The following CDHR3 variants were observed in gnomAD, a reference collection of about 807,000 sequenced individuals.
The protein encoded by CDHR3 is cadherin-related family member 3.
In CDHR3, 79 loss-of-function variants were observed where a neutral mutation model predicts 86.6. The ratio of observed to expected loss-of-function variants is 0.91; its 90% CI spans 0.76 to 1.10. The LOEUF (loss-of-function observed/expected upper bound fraction) is 1.10, where lower values mean the gene tolerates loss of function less well. Among genes scored for constraint, CDHR3 ranks in the 50% least tolerant of loss-of-function variants. The probability of loss-of-function intolerance (pLI) is 0.00; values close to 1 mark genes in which losing one functional copy is unlikely to be tolerated. For missense variants in CDHR3, 1,081 were observed against 1,077.6 expected (o/e 1.00, Z -0.04); for synonymous variants, 421 against 402.4 (o/e 1.05, Z -0.55).
chr7:106,021,887 G>T (rs1204728140), intron 13 of CDHR3, among the ~76,000 whole-genome samples: 1 of 152,208 alleles, frequency 6.6e-6, no homozygotes, highest in African/African-American at 2.4e-5. Context: ...CTGCACCAGG[G>T]TTACAAAGTC....
chr7:106,014,719 G>A (rs901129509), intron 9 of CDHR3, among the ~76,000 whole-genome samples: 2 of 152,218 alleles, frequency 1.3e-5, no homozygotes, highest in African/African-American at 2.4e-5. Context: ...TTTTCAGACT[G>A]TGGTTGACTC....
intron 1 of CDHR3, among the ~76,000 whole-genome samples, chr7:105,974,034 A>G (rs1386644245): frequency 2.0e-5 from 3 of 152,254 alleles, no homozygotes; most frequent in Non-Finnish European, 4.4e-5. Context: ...AACCCACAAC[A>G]GTAATTATCA....
At chr7:105,974,494 T>C (rs1156236783) in intron 1 of CDHR3, among the ~76,000 whole-genome samples, 2 of 145,098 alleles carry the variant, frequency 1.4e-5, no homozygotes, top group Non-Finnish European at 3.1e-5. Flanking sequence ...GAGGCAAGTT[T>C]CTTTAGGCGG....
At chr7:106,020,683 C>G (rs1836435407) in intron 13 of CDHR3, 139 bp downstream of exon 13, 6 of 906,026 alleles carry the variant, frequency 6.6e-6, no homozygotes, top group African/African-American at 1.7e-5. Flanking sequence ...GAGATAGGGT[C>G]TTGCTATGCT....
Position 106,017,851 on chromosome 7 carries a change from A to T in CDHR3, c.1432A>T (p.Thr478Ser), listed in dbSNP as rs375997941. The change falls in exon 12 of 19, where the codon ACC (threonine) becomes TCC (serine). Residue 478 changes from threonine (T) to serine (S), a missense_variant. Thr to Ser is a moderately conservative substitution (Grantham distance 58, BLOSUM62 1). Transcript: ENST00000317716. ...CAGGTACTTTATTCCTCCAGCCAGAACCCGAGTGGGACAGGTGCGAGCCAC... is the reference window on the plus strand; with the variant it reads ...CAGGTACTTTATTCCTCCAGCCAGATCCCGAGTGGGACAGGTGCGAGCCAC... The part of the protein sequence containing the change: ...FDVSERRPAR[T>S]RVGQVRATDK... The T allele has an allele frequency of 9.5e-6, 15 of 1,573,712 alleles. No homozygotes were observed. The highest frequency in any genetic ancestry group is 1.2e-5 in the Non-Finnish European group (14 of 1,160,004).
chr7:105,983,162 C>T (rs1317563638), intron 3 of CDHR3, among the ~76,000 whole-genome samples: 2 of 152,146 alleles, frequency 1.3e-5, no homozygotes, highest in Non-Finnish European at 2.9e-5. Flanking sequence ...CCATATCTTC[C>T]CATGGAAACG....
intron 6 of CDHR3, among the ~76,000 whole-genome samples, chr7:105,996,690 G>A (rs755584510): frequency 1.1e-4 from 16 of 152,162 alleles, no homozygotes; most frequent in Non-Finnish European, 1.5e-5. Flanking sequence ...TTTAGTAACA[G>A]CAGAGTCCCA....
At chr7:105,973,986 A>G (rs1266947874) in intron 1 of CDHR3, among the ~76,000 whole-genome samples, 3 of 152,158 alleles carry the variant, frequency 2.0e-5, no homozygotes, top group Admixed American at 6.6e-5. Flanking sequence ...GTCATTCTGC[A>G]GTTCTGGGTG....
chr7:105,977,367 G>A (rs1828987811), intron 2 of CDHR3, among the ~76,000 whole-genome samples: 2 of 152,198 alleles, frequency 1.3e-5, no homozygotes, highest in Admixed American at 1.3e-4. Context: ...CCCACATTCT[G>A]TGGGATTCAA....
chr7:105,972,307 T>G (rs1350232744), intron 1 of CDHR3, among the ~76,000 whole-genome samples: 2 of 152,124 alleles, frequency 1.3e-5, no homozygotes, highest in Admixed American at 6.5e-5. Flanking sequence ...CTTATTTTAG[T>G]CTATTCGTTT....
intron 7 of CDHR3, among the ~76,000 whole-genome samples, chr7:106,003,356 A>G (rs915331736): frequency 2.0e-5 from 3 of 152,110 alleles, no homozygotes; most frequent in African/African-American, 7.2e-5. Context: ...CCATCTGAAT[A>G]TCTCTGAAGG....
chr7:105,966,395 G>T (rs1826938452), intron 1 of CDHR3, among the ~76,000 whole-genome samples: 1 of 152,216 alleles, frequency 6.6e-6, no homozygotes, highest in Non-Finnish European at 1.5e-5. Context: ...TTGTCCGCAA[G>T]CTCTGGGCAA....
intron 4 of CDHR3, among the ~76,000 whole-genome samples, chr7:105,990,749 CA>C (rs1208224160): frequency 6.6e-6 from 1 of 152,002 alleles, no homozygotes; most frequent in Non-Finnish European, 1.5e-5. Flanking sequence ...CTGATAGCTG[CA>C]AAGTGGCACA....
chr7:105,967,196 C>A (rs113255727), intron 1 of CDHR3, among the ~76,000 whole-genome samples: 5 of 152,208 alleles, frequency 3.3e-5, no homozygotes, highest in African/African-American at 7.2e-5. Context: ...TGAGTGAGAA[C>A]GTGCAGTGTT....
chr7:105,980,916 CA>C, intron 2 of CDHR3, 51 bp from the exon 3 acceptor site: 1 of 1,528,532 alleles, frequency 6.5e-7, no homozygotes, highest in Admixed American at 1.9e-5. Context: ...TGCATGCATG[CA>C]AAACAGATCT....
At chr7:105,980,373 C>G (rs1470428210) in intron 2 of CDHR3, among the ~76,000 whole-genome samples, 1 of 152,082 alleles carries the variant, frequency 6.6e-6, no homozygotes, top group Non-Finnish European at 1.5e-5. Context: ...CCTTGAACAT[C>G]AGCATATAGA....
Position 106,020,394 on chromosome 7 carries a change from G to A in CDHR3, c.1675G>A (p.Glu559Lys), listed in dbSNP as rs750416886. Residue 559 changes from glutamate to lysine, a missense_variant, in exon 13 of 19, where the codon GAA becomes AAA. Glu to Lys is a moderately conservative substitution (Grantham distance 56, BLOSUM62 1). Coordinates refer to ENST00000317716, the MANE Select transcript of CDHR3 (RefSeq NM_152750.5). ...CTAGGTTACTGTGAACATCCTTGAA[G>A]AAAATGATGAAAAGCCAATTTGTAC... ...SVTVTVNILE[E>K]NDEKPICTPN... The A allele has an allele frequency of 1.9e-6, 3 of 1,612,644 alleles. No homozygotes were observed. The highest frequency in any genetic ancestry group is 2.7e-5 in the African/African-American group (2 of 74,892).
intron 8 of CDHR3, 117 bp downstream of exon 8, chr7:106,004,804 GA>G (rs1833712088): frequency 1.0e-6 from 1 of 967,052 alleles, no homozygotes; most frequent in South Asian, 1.5e-5. Context: ...CAGCTCAGTA[GA>G]ATAAATCGAT....
At chr7:105,971,732 A>C (rs1224042480) in intron 1 of CDHR3, among the ~76,000 whole-genome samples, 1 of 152,138 alleles carries the variant, frequency 6.6e-6, no homozygotes, top group African/African-American at 2.4e-5. Flanking sequence ...TAAGGTTGGG[A>C]GGCACAGTGA....
Sources: allele counts gnomAD v4.1 joint callset (sites outside exome capture counted in the v4.1 genomes callset), GRCh38; gene constraint gnomAD v4.1.1; transcripts MANE v1.5; gene names NCBI Gene and HGNC (gene_info 2026-07-23, HGNC 2026-07-21).